Variants in STXBP5L observed in about 807,000 individuals in gnomAD.
STXBP5L encodes syntaxin-binding protein 5-like.
In STXBP5L, 65 loss-of-function variants were observed where a neutral mutation model predicts 144.5. The observed-to-expected ratio is 0.45, with a 90% CI of 0.37 to 0.55. The LOEUF is 0.55. Ranked by LOEUF, STXBP5L falls within the 20% of genes least tolerant of loss-of-function variation. The pLI, the probability that STXBP5L is intolerant of heterozygous loss-of-function variation, is 0.00. For synonymous variants in STXBP5L, 505 were observed against 469.6 expected, an observed-to-expected ratio of 1.08 and a Z score of -0.97; for missense variants, 1,298 against 1,405.5, an observed-to-expected ratio of 0.92 and a Z score of 1.22.
At chr3:121,342,328 G>A (rs1350146868) in intron 20 of STXBP5L, among the ~76,000 whole-genome samples, 1 of 152,026 alleles carries the variant, frequency 6.6e-6, no homozygotes, top group South Asian at 2.1e-4. Flanking sequence ...ATAACATTAG[G>A]AATTATACTA....
intron 9 of STXBP5L, among the ~76,000 whole-genome samples, chr3:121,165,354 C>T (rs1354405692): frequency 6.6e-6 from 1 of 152,030 alleles, no homozygotes; most frequent in Non-Finnish European, 1.5e-5. Flanking sequence ...AACTATTTTC[C>T]CCCAGCACTA....
At chr3:121,282,219 CT>C in intron 19 of STXBP5L, 1 of 1,567,710 alleles carries the variant, frequency 6.4e-7, no homozygotes, top group South Asian at 1.2e-5. Flanking sequence ...TTTTTTTTCT[CT>C]TTCTTCTGCC....
At chr3:121,183,317 G>C (rs910195187) in intron 9 of STXBP5L, among the ~76,000 whole-genome samples, 1 of 152,144 alleles carries the variant, frequency 6.6e-6, no homozygotes, top group Non-Finnish European at 1.5e-5. Context: ...AGAATAAAAT[G>C]AAAGGCATCC....
chr3:121,087,037 C>G (rs574602865), intron 5 of STXBP5L, among the ~76,000 whole-genome samples: 1 of 152,008 alleles, frequency 6.6e-6, no homozygotes, highest in South Asian at 2.1e-4. Flanking sequence ...CCATTGTACT[C>G]AGAGAAAATA....
intron 20 of STXBP5L, among the ~76,000 whole-genome samples, chr3:121,370,515 C>A (rs553222643): frequency 6.6e-6 from 1 of 152,174 alleles, no homozygotes; most frequent in South Asian, 2.1e-4. Context: ...AACTAAACAC[C>A]TTTTCTTGAT....
intron 22 of STXBP5L, among the ~76,000 whole-genome samples, chr3:121,392,897 G>T (rs575817295): frequency 1.3e-5 from 2 of 150,112 alleles, no homozygotes; most frequent in South Asian, 4.2e-4. Context: ...AAACATACAC[G>T]TGCTTGTGTC....
chr3:121,010,670 A>G (rs552700338), intron 3 of STXBP5L, among the ~76,000 whole-genome samples: 79 of 152,076 alleles, frequency 5.2e-4, no homozygotes, highest in South Asian at 2.3e-3. Context: ...AGCCATACTA[A>G]TAACATAAAC....
chr3:121,018,295 G>A (rs1945286013), intron 3 of STXBP5L, among the ~76,000 whole-genome samples: 1 of 152,120 alleles, frequency 6.6e-6, no homozygotes, highest in Non-Finnish European at 1.5e-5. Context: ...GCAGTTGGGA[G>A]ACTGTCATTA....
At chr3:120,944,915 AC>A (rs910415416) in intron 2 of STXBP5L, among the ~76,000 whole-genome samples, 1 of 151,808 alleles carries the variant, frequency 6.6e-6, no homozygotes, top group Non-Finnish European at 1.5e-5. Context: ...GAACATACAC[AC>A]ATAATCCTAA....
chr3:121,122,377 A>G (rs1331863928), intron 7 of STXBP5L, among the ~76,000 whole-genome samples: 3 of 151,296 alleles, frequency 2.0e-5, no homozygotes, highest in Non-Finnish European at 3.0e-5. Flanking sequence ...ATCCACAAGT[A>G]CAATGTAATT....
At chr3:121,008,184 G>A (rs991195582) in intron 3 of STXBP5L, among the ~76,000 whole-genome samples, 4 of 151,830 alleles carry the variant, frequency 2.6e-5, no homozygotes, top group African/African-American at 4.8e-5. Context: ...GGGCATCGAC[G>A]CCTCAATAAT....
chr3:121,095,725 G>A (rs1380829996), intron 5 of STXBP5L, among the ~76,000 whole-genome samples: 1 of 152,068 alleles, frequency 6.6e-6, no homozygotes, highest in Non-Finnish European at 1.5e-5. Context: ...TTTGCGATGG[G>A]TTCGAACTTC....
intron 2 of STXBP5L, among the ~76,000 whole-genome samples, chr3:120,948,228 G>A (rs1441933279): frequency 6.6e-6 from 1 of 151,002 alleles, no homozygotes; most frequent in Non-Finnish European, 1.5e-5. Flanking sequence ...GTGTTTATTG[G>A]CCATTTATAT....
rs148774491 is a variant in STXBP5L at position 121,188,000 on chromosome 3, T to C, written c.878-17923T>C. On this transcript the variant is annotated intron_variant, in intron 9 of 26. Coordinates refer to ENST00000471454, the MANE Select transcript of STXBP5L (RefSeq NM_001308330.2). ...AGAAGAGCTAACTATCTTAAATATA[T>C]ATGCACCGAATGCAGGAGCACCCGG... Among the ~76,000 whole-genome samples the C allele has an allele frequency of 4.6e-3, 697 of 152,228 alleles. 5 individuals are homozygous for C. The highest frequency in any genetic ancestry group is 0.016 in the African/African-American group (647 of 41,544).
At chr3:121,337,196 G>A (rs2044537740) in intron 20 of STXBP5L, among the ~76,000 whole-genome samples, 1 of 151,358 alleles carries the variant, frequency 6.6e-6, no homozygotes, top group Admixed American at 6.6e-5. Context: ...AAACCCCCAT[G>A]ACATGAGTTT....
At chr3:121,134,622 T>C (rs528045412) in intron 7 of STXBP5L, among the ~76,000 whole-genome samples, 2 of 152,202 alleles carry the variant, frequency 1.3e-5, no homozygotes, top group East Asian at 3.9e-4. Context: ...GTTCTCATTG[T>C]TCAATTCCCG....
At chr3:121,175,052 A>G (rs966007906) in intron 9 of STXBP5L, among the ~76,000 whole-genome samples, 28 of 152,002 alleles carry the variant, frequency 1.8e-4, no homozygotes, top group African/African-American at 6.8e-4. Context: ...CCTGCAAAGA[A>G]ACTGTGTTCA....
At chr3:121,406,237 C>G (rs139363018) in intron 22 of STXBP5L, among the ~76,000 whole-genome samples, 73 of 152,094 alleles carry the variant, frequency 4.8e-4, no homozygotes, top group African/African-American at 1.7e-3. Context: ...GATTTAAAAA[C>G]ACAACTAAGA....
At chr3:121,328,445 G>C (rs983756265) in intron 20 of STXBP5L, among the ~76,000 whole-genome samples, 1 of 152,106 alleles carries the variant, frequency 6.6e-6, no homozygotes, top group Non-Finnish European at 1.5e-5. Flanking sequence ...GCTCATTTGT[G>C]TTCTTAAAAA....
Sources: gnomAD v4.1 joint callset for allele counts (sites outside exome capture counted in the v4.1 genomes callset) on GRCh38, gnomAD v4.1.1 for gene constraint, MANE v1.5 for transcripts, NCBI Gene and HGNC (gene_info 2026-07-23, HGNC 2026-07-21) for gene names.